CDK5RAP2: variants seen among roughly 807,000 people sequenced by gnomAD.
CDK5RAP2 encodes the protein CDK5 regulatory subunit associated protein 2, also known as CDK5 regulatory subunit-associated protein 2.
CDK5RAP2 carries 147 observed loss-of-function variants against 232.9 expected under a neutral mutation model. The ratio of observed to expected loss-of-function variants is 0.63; its 90% confidence interval spans 0.55 to 0.72. The LOEUF (loss-of-function observed/expected upper bound fraction) is 0.72, where lower values mean the gene tolerates loss of function less well. Ranked by LOEUF, CDK5RAP2 falls within the 30% of genes least tolerant of loss-of-function variation. The pLI is 0.00. For missense variants in CDK5RAP2, 2,195 were observed against 2,231.5 expected (o/e 0.98, Z 0.33); for synonymous variants, 833 against 833.7 (o/e 1.00, Z 0.01).
chr9:120,437,359 AC>A lies in CDK5RAP2; in HGVS notation c.3890del (p.Gly1297ValfsTer6), dbSNP rs1457262803. The A allele has an allele frequency of 6.2e-7, 1 of 1,613,962 alleles. No individual in the cohort carries two copies. The highest frequency in any genetic ancestry group is 8.5e-7 in the Non-Finnish European group (1 of 1,180,014). On this transcript the variant is annotated frameshift_variant, in exon 25 of 38. Coordinates refer to ENST00000349780, the MANE Select transcript of CDK5RAP2 (RefSeq NM_018249.6). LOFTEE classifies it high-confidence loss of function. ...ASDVDYCVAEGFQEQLNQCAE... is the reference protein window; with the variant it reads ...ASDVDYCVAEXFQEQLNQCAE... ...CACATTGATTCAGCTGTTCCTGGAA[AC>A]CCTCGGCCACACAGTAATCCACATC...
chr9:120,425,600 C>T (rs1487967028), intron 25 of CDK5RAP2, among the ~76,000 whole-genome samples: 3 of 152,234 alleles, frequency 2.0e-5, no homozygotes, highest in Non-Finnish European at 1.5e-5. Flanking sequence ...CCCAACTTCA[C>T]TTTCCTCTCT....
In CDK5RAP2 at chr9:120,389,374, G is replaced by A. The variant is rs538850111; in HGVS notation, c.5626-82C>T. 225 of 1,095,220 alleles carry A rather than the reference G, an allele frequency of 2.1e-4. 2 individuals carry two copies. The African/African-American group carries it at 3.0e-3, about 15-fold the overall frequency. 67.8% of individuals were successfully genotyped at this position (1,095,220 alleles called of 1,614,324 possible). A position where few individuals can be genotyped will look rare whatever the true frequency, so the allele number is the denominator to read the frequency against. ...AAGACCCCGACAGAGGTGAAAGCGA[G>A]ACTGTTATTCTCAAAGTGCTTTCAA... is the stretch of plus-strand genomic sequence containing the variant. On this transcript the variant is annotated intron_variant, in intron 37 of 37. Coordinates refer to ENST00000349780, the MANE Select transcript of CDK5RAP2 (RefSeq NM_018249.6).
chr9:120,443,676 G>A lies in CDK5RAP2; in HGVS notation c.3092C>T (p.Ser1031Phe), dbSNP rs781039312. The change falls in exon 23 of 38, where the codon TCT becomes TTT. Residue 1031 changes from serine to phenylalanine, a missense_variant. Coordinates refer to ENST00000349780, the MANE Select transcript of CDK5RAP2 (RefSeq NM_018249.6). ...PGEQKGIKTT[S>F]SVWRDKEMDS... is the part of the protein sequence containing the mutation. ...CATTTCCTTGTCTCTCCAGACAGAAGATGTGGTTTTAATTCCTTTCTGCTC... is the reference window on the plus strand; with the variant it reads ...CATTTCCTTGTCTCTCCAGACAGAAAATGTGGTTTTAATTCCTTTCTGCTC... The A allele has an allele frequency of 5.0e-6, 8 of 1,614,040 alleles. No homozygotes were observed. Among genetic ancestry groups the A allele is most frequent in the East Asian group, 4.5e-5 (2 of 44,902 alleles).
chr9:120,532,005 ATTT>A (rs35525358), intron 7 of CDK5RAP2, among the ~76,000 whole-genome samples: 1 of 145,992 alleles, frequency 6.8e-6, no homozygotes, highest in African/African-American at 2.5e-5. Flanking sequence ...ATAAAACTGA[ATTT>A]TTTTTTTTTT....
At chr9:120,442,517 T>C (rs1398517045) in intron 23 of CDK5RAP2, among the ~76,000 whole-genome samples, 1 of 152,176 alleles carries the variant, frequency 6.6e-6, no homozygotes, top group African/African-American at 2.4e-5. Context: ...ACATACAAAG[T>C]TCTGGAAGCA....
At chr9:120,552,458 G>A (rs967607113) in intron 3 of CDK5RAP2, among the ~76,000 whole-genome samples, 11 of 152,036 alleles carry the variant, frequency 7.2e-5, no homozygotes, top group South Asian at 6.2e-4. Context: ...GTCCAACAAC[G>A]ATAGACTGGA....
intron 12 of CDK5RAP2, among the ~76,000 whole-genome samples, chr9:120,503,938 G>C (rs1482974358): frequency 1.3e-5 from 2 of 152,126 alleles, no homozygotes; most frequent in South Asian, 4.1e-4. Flanking sequence ...GCCTTAAGGT[G>C]TGGCACGCCC....
intron 23 of CDK5RAP2, chr9:120,440,393 C>T (rs765536283): frequency 8.4e-5 from 21 of 250,016 alleles, no homozygotes; most frequent in African/African-American, 2.4e-4. Flanking sequence ...CTGCACATTG[C>T]GTGCTGTGTC....
At chr9:120,441,707 T>C (rs1487043505) in intron 23 of CDK5RAP2, among the ~76,000 whole-genome samples, 1 of 152,254 alleles carries the variant, frequency 6.6e-6, no homozygotes, top group Non-Finnish European at 1.5e-5. Flanking sequence ...CTCTTGTATC[T>C]GTTCATGATG....
At chr9:120,425,501 C>A (rs2034836228) in intron 25 of CDK5RAP2, among the ~76,000 whole-genome samples, 1 of 152,192 alleles carries the variant, frequency 6.6e-6, no homozygotes, top group South Asian at 2.1e-4. Flanking sequence ...AGGACTTCAT[C>A]TTTTCAAATA....
intron 20 of CDK5RAP2, among the ~76,000 whole-genome samples, chr9:120,455,049 C>A (rs953460417): frequency 4.6e-5 from 7 of 152,164 alleles, no homozygotes; most frequent in African/African-American, 1.7e-4. Context: ...TCAAGAAGAG[C>A]CCCTTGTGTG....
intron 23 of CDK5RAP2, 44 bp from the exon 24 acceptor site, chr9:120,440,016 T>G (rs779524779): frequency 6.4e-7 from 1 of 1,553,588 alleles, no homozygotes; most frequent in Non-Finnish European, 8.8e-7. Context: ...TTTACTAAAA[T>G]CCAAACCCTC....
chr9:120,520,757 CATGAG>C (rs2040591296), intron 11 of CDK5RAP2, among the ~76,000 whole-genome samples: 1 of 119,428 alleles, frequency 8.4e-6, no homozygotes, highest in Admixed American at 8.0e-5. Context: ...TCTCATATCT[CATGAG>C]ATATATCTCA....
At chr9:120,470,309 T>A in intron 16 of CDK5RAP2, 89 bp from the exon 17 acceptor site, 1 of 672,736 alleles carries the variant, frequency 1.5e-6, no homozygotes. Context: ...CCCAGTGCAA[T>A]CCATCCAAAG....
chr9:120,401,240 A>G (rs1284820650), intron 34 of CDK5RAP2, among the ~76,000 whole-genome samples: 1 of 152,058 alleles, frequency 6.6e-6, no homozygotes, highest in Non-Finnish European at 1.5e-5. Flanking sequence ...ACCAACAGCA[A>G]GCAATAAATG....
intron 12 of CDK5RAP2, among the ~76,000 whole-genome samples, chr9:120,509,276 G>A (rs568297951): frequency 7.9e-5 from 12 of 152,262 alleles, no homozygotes; most frequent in Non-Finnish European, 8.8e-5. Context: ...AATCAACACC[G>A]TCTGGTAGAT....
intron 14 of CDK5RAP2, among the ~76,000 whole-genome samples, chr9:120,479,153 T>C (rs530939883): frequency 1.3e-5 from 2 of 152,140 alleles, no homozygotes; most frequent in East Asian, 1.9e-4. Flanking sequence ...TAATAACTGA[T>C]AGTAACAGAT....
intron 14 of CDK5RAP2, among the ~76,000 whole-genome samples, chr9:120,478,792 A>C (rs182211187): frequency 3.3e-5 from 5 of 152,274 alleles, no homozygotes; most frequent in African/African-American, 1.2e-4. Context: ...ACAAACAAAC[A>C]AACAAAAAAT....
At chr9:120,389,980 A>G (rs2031779260) in intron 36 of CDK5RAP2, 193 bp from the exon 37 acceptor site, 1 of 623,744 alleles carries the variant, frequency 1.6e-6, no homozygotes, top group African/African-American at 1.8e-5. Flanking sequence ...GGGCCAAATA[A>G]CGCATCAACA....
Sources: allele counts gnomAD v4.1 joint callset (sites outside exome capture counted in the v4.1 genomes callset), GRCh38; gene constraint gnomAD v4.1.1; transcripts MANE v1.5; gene names NCBI Gene and HGNC (gene_info 2026-07-23, HGNC 2026-07-21).